The following TOX variants were observed in gnomAD, a reference collection of about 807,000 sequenced individuals.
TOX encodes thymocyte selection associated high mobility group box.
TOX carries 11 observed loss-of-function variants against 53.7 expected under a neutral mutation model. The ratio of observed to expected loss-of-function variants is 0.20; its 90% confidence interval spans 0.13 to 0.34. The LOEUF (loss-of-function observed/expected upper bound fraction) is 0.34, where lower values mean the gene tolerates loss of function less well. Among genes scored for constraint, TOX ranks in the 10% least tolerant of loss-of-function variants. TOX has a pLI of 1.00. For missense variants in TOX, 570 were observed against 664.6 expected (o/e 0.86, Z 1.56); for synonymous variants, 225 against 245.3 (o/e 0.92, Z 0.77).
chr8:59,001,605 C>T (rs1210364924), intron 1 of TOX, among the ~76,000 whole-genome samples: 2 of 152,152 alleles, frequency 1.3e-5, no homozygotes, highest in African/African-American at 4.8e-5. Flanking sequence ...AAAAACCATC[C>T]TGAGCTTGAA....
chr8:58,867,868 C>T (rs1374260871), intron 3 of TOX, among the ~76,000 whole-genome samples: 1 of 152,172 alleles, frequency 6.6e-6, no homozygotes, highest in Non-Finnish European at 1.5e-5. Flanking sequence ...ATTGAAGAAC[C>T]AGGCTCAGAG....
intron 3 of TOX, among the ~76,000 whole-genome samples, chr8:58,872,529 G>A (rs1201875347): frequency 6.6e-6 from 1 of 152,022 alleles, no homozygotes; most frequent in Non-Finnish European, 1.5e-5. Flanking sequence ...AGGTGATCAA[G>A]GTCAACATCA....
At chr8:59,009,354 TTCTTTCTC>T (rs1174445121) in intron 1 of TOX, among the ~76,000 whole-genome samples, 53 of 151,390 alleles carry the variant, frequency 3.5e-4, no homozygotes, top group African/African-American at 1.2e-3. Flanking sequence ...CTTCCCTCCT[TTCTTTCTC>T]TCTTTCTCTC....
At chr8:58,952,584 C>T (rs535800989) in intron 2 of TOX, among the ~76,000 whole-genome samples, 1 of 152,304 alleles carries the variant, frequency 6.6e-6, no homozygotes, top group East Asian at 1.9e-4. Context: ...AGTGCTACAA[C>T]TCCTCCCTCC....
chr8:58,815,855 C>G (rs1585840359), intron 6 of TOX, 131 bp from the exon 7 acceptor site: 1 of 960,824 alleles, frequency 1.0e-6, no homozygotes, highest in East Asian at 2.7e-5. Context: ...ACTCTCTGAT[C>G]TAAGAATTTC....
intron 1 of TOX, among the ~76,000 whole-genome samples, chr8:59,048,932 G>A (rs1803737671): frequency 6.6e-6 from 1 of 151,930 alleles, no homozygotes; most frequent in African/African-American, 2.4e-5. Flanking sequence ...ATGAAATATG[G>A]TTATTGAAAA....
intron 1 of TOX, among the ~76,000 whole-genome samples, chr8:59,028,384 C>G (rs1419544470): frequency 6.6e-6 from 1 of 152,010 alleles, no homozygotes; most frequent in African/African-American, 2.4e-5. Context: ...GGTTATTTTA[C>G]AAAGGCTTAG....
chr8:59,099,006 C>T (rs1453797056), intron 1 of TOX, among the ~76,000 whole-genome samples: 1 of 152,210 alleles, frequency 6.6e-6, no homozygotes, highest in Admixed American at 6.5e-5. Context: ...GATTAAATTT[C>T]ACTCTTTGGA....
At chr8:58,896,518 T>C (rs567885256) in intron 3 of TOX, among the ~76,000 whole-genome samples, 2 of 151,880 alleles carry the variant, frequency 1.3e-5, no homozygotes, top group South Asian at 4.1e-4. Flanking sequence ...TCTACTAAAA[T>C]ACAAAAATTG....
chr8:58,919,092 G>T (rs1365728575), intron 3 of TOX, among the ~76,000 whole-genome samples: 1 of 150,732 alleles, frequency 6.6e-6, no homozygotes, highest in African/African-American at 2.5e-5. Flanking sequence ...CATGCTCATG[G>T]GTAGGAAGAA....
rs183543386 is a variant in TOX, at chr8:59,039,138, T to G, written c.103-79130A>C. ...CTGAAGTCACTTACGAACCACACTG[T>G]GGTAATCCTACATTATGTCAATTCA... On this transcript the variant is annotated intron_variant, in intron 1 of 8. Transcript: ENST00000361421. 2.1e-3 allele frequency among the ~76,000 whole-genome samples: 318 copies of G among 152,364 alleles called. 4 individuals carry two copies. Among genetic ancestry groups the G allele is most frequent in the African/African-American group, 6.2e-3 (257 of 41,586 alleles).
chr8:59,111,493 T>C (rs190373372), intron 1 of TOX, among the ~76,000 whole-genome samples: 1 of 152,048 alleles, frequency 6.6e-6, no homozygotes, highest in African/African-American at 2.4e-5. Context: ...TAAATCTTCA[T>C]GCATTTATGG....
intron 1 of TOX, among the ~76,000 whole-genome samples, chr8:59,027,450 G>GTT (rs60091622): frequency 0.25 from 30,069 of 120,434 alleles, 3,438 homozygotes; most frequent in East Asian, 0.53. Context: ...TAGGAACAAG[G>GTT]TTTTTTTTTT....
At chr8:59,089,630 A>C (rs757616264) in intron 1 of TOX, among the ~76,000 whole-genome samples, 1 of 152,214 alleles carries the variant, frequency 6.6e-6, no homozygotes, top group Admixed American at 6.5e-5. Context: ...TTGCTCTGTC[A>C]CCTAGGCTGG....
intron 1 of TOX, among the ~76,000 whole-genome samples, chr8:58,980,895 C>T (rs1364024118): frequency 6.6e-6 from 1 of 152,178 alleles, no homozygotes; most frequent in Non-Finnish European, 1.5e-5. Flanking sequence ...CATTCCACTG[C>T]CATTCTCAAT....
chr8:58,859,065 G>C (rs753783604), intron 3 of TOX, among the ~76,000 whole-genome samples: 1 of 152,152 alleles, frequency 6.6e-6, no homozygotes, highest in African/African-American at 2.4e-5. Flanking sequence ...ATTTCCGAGA[G>C]AGCTTAATTA....
intron 3 of TOX, among the ~76,000 whole-genome samples, chr8:58,927,047 CT>C (rs10715496): frequency 0.37 from 54,288 of 144,934 alleles, 9,875 homozygotes; most frequent in South Asian, 0.56. Context: ...ATTGTCACAC[CT>C]TTTTTTTTTT....
At chr8:58,961,532 CTTT>C (rs1306667873) in intron 1 of TOX, among the ~76,000 whole-genome samples, 1 of 143,046 alleles carries the variant, frequency 7.0e-6, no homozygotes. Flanking sequence ...CAGGTGAACT[CTTT>C]TTTTTTTTTT....
chr8:58,979,820 T>C (rs1813167473), intron 1 of TOX, among the ~76,000 whole-genome samples: 1 of 152,194 alleles, frequency 6.6e-6, no homozygotes, highest in African/African-American at 2.4e-5. Context: ...TGCCTCACTT[T>C]TTCTCTCTGT....
Sources: allele counts gnomAD v4.1 joint callset (sites outside exome capture counted in the v4.1 genomes callset), GRCh38; gene constraint gnomAD v4.1.1; transcripts MANE v1.5; gene names NCBI Gene and HGNC (gene_info 2026-07-23, HGNC 2026-07-21).